The following BRWD3 variants were observed in gnomAD, a reference collection of about 807,000 sequenced individuals.
BRWD3 encodes bromodomain and WD repeat-containing protein 3.
In BRWD3, 10 loss-of-function variants were observed where a neutral mutation model predicts 149.7. That is an observed-to-expected ratio of 0.07 (90% CI 0.04 to 0.11). The LOEUF (loss-of-function observed/expected upper bound fraction) is 0.11, where lower values mean the gene tolerates loss of function less well. BRWD3 is among the 10% of genes least tolerant of loss of function. BRWD3 has a pLI of 1.00. For synonymous variants in BRWD3, 504 were observed against 456.7 expected (o/e 1.10, Z -1.32); for missense variants, 940 against 1,373.2 (o/e 0.68, Z 4.99).
Position 80,754,504 on chromosome X carries a change from T to C in BRWD3, c.431-8775A>G, listed in dbSNP as rs955674882. ...CAATTTGGATGCCTTTTATTTCTTC[T>C]CTCATCTGACCACTCTCGCTAGGAT... On this transcript the variant is annotated intron_variant, in intron 6 of 40. Coordinates refer to ENST00000373275, the MANE Select transcript of BRWD3 (RefSeq NM_153252.5). Among the ~76,000 whole-genome samples the C allele has an allele frequency of 3.6e-5, 4 of 111,757 alleles. No homozygotes were observed. In the East Asian group the frequency reaches 8.4e-4, roughly 24 times the overall value.
At chrX:80,747,879 A>C (rs1489185288) in intron 6 of BRWD3, among the ~76,000 whole-genome samples, 1 of 112,171 alleles carries the variant, frequency 8.9e-6, no homozygotes, top group Non-Finnish European at 1.9e-5. Flanking sequence ...ATCAGAAAAC[A>C]GAAAATTTCA....
In BRWD3 at chrX:80,707,468, T is replaced by C; in HGVS notation, c.2511A>G (p.Val837=). 1 of 1,210,437 alleles carries C rather than the reference T, an allele frequency of 8.3e-7. No individual in the cohort carries two copies. The change falls in exon 22 of 41, where the codon GTA becomes GTG. Residue 837 remains valine, a synonymous_variant. Transcript: ENST00000373275. ...TTTGCCATTCAACAACAGGATCCTC[T>C]ACCGAAGCGTCACTTGTGCCAACAG... ...DETVGTSDAS[V]EDPVVEWQSE...
intron 6 of BRWD3, among the ~76,000 whole-genome samples, chrX:80,784,427 G>C (rs915981463): frequency 2.7e-5 from 3 of 111,225 alleles, no homozygotes; most frequent in Non-Finnish European, 5.7e-5. Flanking sequence ...TGTGCAGAAC[G>C]TGCAGGTTTG....
chrX:80,752,411 T>C (rs1339508115), intron 6 of BRWD3, among the ~76,000 whole-genome samples: 1 of 111,726 alleles, frequency 9.0e-6, no homozygotes, highest in African/African-American at 3.2e-5. Context: ...CTCTGGGGTA[T>C]ATACCCAGTA....
chrX:80,809,681 AAGGAG>A lies in BRWD3; in HGVS notation c.-215_-211del. ...CCAAGAGCTGAGGAGGCGGAGGAGG[AAGGAG>A]AGGAGAGGGAGAGGGAGAGAGAGAG... is the stretch of plus-strand genomic sequence containing the variant. On this transcript the variant is annotated 5_prime_UTR_variant, in exon 1 of 41. Coordinates refer to ENST00000373275, the MANE Select transcript of BRWD3 (RefSeq NM_153252.5). 1 of 359,223 alleles carries A rather than the reference AAGGAG, an allele frequency of 2.8e-6. No homozygotes were observed. The highest frequency in any genetic ancestry group is 5.0e-6 in the Non-Finnish European group (1 of 201,673). The allele number at this position is 359,223 out of a possible 1,213,427, so 29.6% of individuals were successfully genotyped here. A position where few individuals can be genotyped will look rare whatever the true frequency, so the allele number is the denominator to read the frequency against.
In BRWD3 at chrX:80,673,807, AATTTAAG is replaced by A. The variant is rs971800878; in HGVS notation, c.*2795_*2801del. 28 of 111,665 alleles carry A rather than the reference AATTTAAG, an allele frequency of 2.5e-4. No homozygotes were observed. Among genetic ancestry groups the A allele is most frequent in the African/African-American group, 8.8e-4 (27 of 30,776 alleles). 9.2% of individuals were successfully genotyped at this position (111,665 alleles called of 1,213,427 possible). Reference sequence around the variant, plus strand: ...AAATATAACAGTGTTTTTTCTTAGCAATTTAAGATTTAGGCTTTTCTTCAAAATTCTT... The same window carrying A: ...AAATATAACAGTGTTTTTTCTTAGCAATTTAGGCTTTTCTTCAAAATTCTT... On this transcript the variant is annotated 3_prime_UTR_variant, in exon 41 of 41. Transcript: ENST00000373275.
intron 6 of BRWD3, among the ~76,000 whole-genome samples, chrX:80,771,311 G>A (rs1311639792): frequency 1.8e-5 from 2 of 111,452 alleles, no homozygotes; most frequent in East Asian, 5.6e-4. Flanking sequence ...TAAGCAAAAA[G>A]AACAAAGCTG....
intron 2 of BRWD3, 73 bp from the exon 3 acceptor site, chrX:80,809,115 C>T: frequency 8.7e-7 from 1 of 1,154,971 alleles, no homozygotes; most frequent in Non-Finnish European, 1.2e-6. Context: ...ACACTTAAAG[C>T]CCAGCCGCTG....
intron 25 of BRWD3, among the ~76,000 whole-genome samples, chrX:80,697,817 C>T (rs138550875): frequency 1.8e-5 from 2 of 111,686 alleles, no homozygotes; most frequent in African/African-American, 6.5e-5. Flanking sequence ...AATTTATATT[C>T]CTTTGGGTAT....
chrX:80,760,560 G>A (rs1252891001), intron 6 of BRWD3, among the ~76,000 whole-genome samples: 1 of 111,689 alleles, frequency 9.0e-6, no homozygotes, highest in Non-Finnish European at 1.9e-5. Context: ...AGTCTAATGT[G>A]CACTGGAATA....
At chrX:80,687,086 C>CACATACAGATAGGTATAT in intron 34 of BRWD3, 83 bp from the exon 35 acceptor site, 1 of 703,157 alleles carries the variant, frequency 1.4e-6, no homozygotes, top group Non-Finnish European at 2.1e-6. Context: ...GTTAATATAC[C>CACATACAGATAGGTATAT]TATCTGTATG....
intron 17 of BRWD3, among the ~76,000 whole-genome samples, chrX:80,719,902 G>A (rs1472933914): frequency 3.6e-5 from 4 of 111,449 alleles, no homozygotes; most frequent in Non-Finnish European, 7.5e-5. Flanking sequence ...ACAATCAAGT[G>A]CTGCATAACG....
intron 20 of BRWD3, chrX:80,709,911 C>T: frequency 5.2e-6 from 4 of 763,330 alleles, no homozygotes; most frequent in South Asian, 4.4e-5. Flanking sequence ...TGCAACCAGA[C>T]CTGTGCTGGA....
intron 35 of BRWD3, among the ~76,000 whole-genome samples, chrX:80,686,630 C>T (rs1169411330): frequency 9.0e-6 from 1 of 110,502 alleles, no homozygotes; most frequent in Non-Finnish European, 1.9e-5. Flanking sequence ...TCGGAAAGAA[C>T]AGCAAATGAA....
intron 4 of BRWD3, among the ~76,000 whole-genome samples, chrX:80,800,823 C>T (rs188905150): frequency 9.0e-6 from 1 of 111,196 alleles, no homozygotes; most frequent in East Asian, 2.8e-4. Context: ...AACTTCCTAT[C>T]ACTCACCTTT....
chrX:80,793,160 CAAAAAAAAAAAAAA>C (rs201065966), intron 5 of BRWD3, among the ~76,000 whole-genome samples: 6,936 of 44,445 alleles, frequency 0.16, 598 homozygotes, highest in African/African-American at 0.42. Context: ...GACTCTGTCT[CAAAAAAAAAAAAAA>C]AAAAAAAAAA....
chrX:80,772,297 T>G (rs1235091875), intron 6 of BRWD3, among the ~76,000 whole-genome samples: 1 of 111,394 alleles, frequency 9.0e-6, no homozygotes, highest in Admixed American at 9.6e-5. Context: ...CATAAAAAAG[T>G]ATGAGTTCAT....
At chrX:80,788,916 G>A (rs758654723) in intron 6 of BRWD3, among the ~76,000 whole-genome samples, 1 of 112,061 alleles carries the variant, frequency 8.9e-6, no homozygotes, top group Admixed American at 9.5e-5. Context: ...GTCACAGAAA[G>A]ATTAGTGGTT....
intron 24 of BRWD3, among the ~76,000 whole-genome samples, chrX:80,703,258 C>T (rs895342942): frequency 9.0e-6 from 1 of 110,895 alleles, no homozygotes; most frequent in Non-Finnish European, 1.9e-5. Flanking sequence ...TCTCAATATT[C>T]AATGAGCATC....
Sources: allele counts gnomAD v4.1 joint callset (sites outside exome capture counted in the v4.1 genomes callset), GRCh38; gene constraint gnomAD v4.1.1; transcripts MANE v1.5; gene names NCBI Gene and HGNC (gene_info 2026-07-23, HGNC 2026-07-21).